The following RPL22L1 variants were observed in gnomAD, a reference collection of about 807,000 sequenced individuals.
The protein encoded by RPL22L1 is ribosomal protein L22 like 1.
Under a neutral mutation model 17.3 loss-of-function variants are expected in RPL22L1, and 19 were observed. The ratio of observed to expected loss-of-function variants is 1.10; its 90% CI spans 0.77 to 1.61. The LOEUF (loss-of-function observed/expected upper bound fraction) is 1.61. Among genes scored for constraint, RPL22L1 ranks in the 40% most tolerant of loss-of-function variants. The pLI is 0.00. For synonymous variants in RPL22L1, 48 were observed against 48.5 expected, an observed-to-expected ratio of 0.99 and a Z score of 0.05; for missense variants, 139 against 144.4, an observed-to-expected ratio of 0.96 and a Z score of 0.19.
At position 170,866,213 on chromosome 3, in the gene RPL22L1, G is replaced by C. The variant is rs372796243; in HGVS notation, c.*167C>G. The C allele has an allele frequency of 1.9e-6, 1 of 532,666 alleles. No homozygotes were observed. Among genetic ancestry groups the C allele is most frequent in the East Asian group, 3.0e-5 (1 of 32,880 alleles). 33.0% of individuals were successfully genotyped at this position (532,666 alleles called of 1,614,324 possible). On this transcript the variant is annotated 3_prime_UTR_variant, in exon 4 of 4. Coordinates refer to ENST00000295830, the MANE Select transcript of RPL22L1 (RefSeq NM_001099645.2). The stretch of plus-strand genomic sequence containing the variant: ...ATTTAAATACTGTTGATAGTTATCA[G>C]AGGGAAATCAAAATCATATAAACAG...
At chr3:170,867,771 C>A (rs2108280548) in intron 3 of RPL22L1, among the ~76,000 whole-genome samples, 2 of 152,264 alleles carry the variant, frequency 1.3e-5, no homozygotes, top group Middle Eastern at 3.4e-3. Context: ...TTTGGATTTA[C>A]AGGGCCTATA....
Position 170,870,148 on chromosome 3 carries a change from C to A in RPL22L1, c.9+11G>T, listed in dbSNP as rs1464381156. The A allele has an allele frequency of 6.2e-7, 1 of 1,613,900 alleles. No individual in the cohort carries two copies. The highest frequency in any genetic ancestry group is 8.5e-7 in the Non-Finnish European group (1 of 1,179,910). ...CCACACAACACTCCCACCAAGACAT[C>A]GCTCACTCACCGGCGCCATCTTGCG... On this transcript the variant is annotated intron_variant, in intron 1 of 3. Coordinates refer to ENST00000295830, the MANE Select transcript of RPL22L1 (RefSeq NM_001099645.2).
intron 1 of RPL22L1, among the ~76,000 whole-genome samples, chr3:170,868,860 G>A (rs1711877405): frequency 6.6e-6 from 1 of 150,842 alleles, no homozygotes; most frequent in Non-Finnish European, 1.5e-5. Context: ...AAAAAGGCAA[G>A]GTGCCGTCCC....
rs1325812218 is a variant in RPL22L1, at chr3:170,868,290, A to G, written c.102+8T>C. 3 of 1,570,654 alleles carry G rather than the reference A, an allele frequency of 1.9e-6. No homozygotes were observed. Among genetic ancestry groups the G allele is most frequent in the Admixed American group, 1.7e-5 (1 of 59,510 alleles). ...TTACAAAAATAAGCCGAGTAGAATGATACTTACAAAATTTCCAGAATCAAA... is the reference window on the plus strand; with the variant it reads ...TTACAAAAATAAGCCGAGTAGAATGGTACTTACAAAATTTCCAGAATCAAA... On this transcript the variant is annotated splice_region_variant and intron_variant, in intron 2 of 3. Coordinates refer to ENST00000295830, the MANE Select transcript of RPL22L1 (RefSeq NM_001099645.2).
At chr3:170,867,061 T>G (rs1328212601) in intron 3 of RPL22L1, among the ~76,000 whole-genome samples, 3 of 152,200 alleles carry the variant, frequency 2.0e-5, no homozygotes, top group Admixed American at 6.5e-5. Flanking sequence ...AGCTACTACA[T>G]TTTTATCTCT....
rs1404390664 is a variant in RPL22L1 at position 170,868,376 on chromosome 3, C to T, written c.24G>A (p.Lys8=). The T allele has an allele frequency of 1.9e-5, 31 of 1,601,094 alleles. No individual in the cohort carries two copies. Among genetic ancestry groups the T allele is most frequent in the Non-Finnish European group, 2.5e-5 (29 of 1,171,194 alleles). MAPQKDR[K]PKRSTWRFNL... is the part of the protein sequence containing the mutation. ...TAAACCTCCAGGTTGACCTCTTGGGCTTCCTGTCTTTCTGCTACATAAATG... is the reference window on the plus strand; with the variant it reads ...TAAACCTCCAGGTTGACCTCTTGGGTTTCCTGTCTTTCTGCTACATAAATG... Residue 8 remains lysine (K), a synonymous_variant, in exon 2 of 4, where the codon AAG becomes AAA. Coordinates refer to ENST00000295830, the MANE Select transcript of RPL22L1 (RefSeq NM_001099645.2).
At position 170,868,069 on chromosome 3, in the gene RPL22L1, G is replaced by A. The variant is rs1201134964; in HGVS notation, c.168C>T (p.His56=). Reference sequence around the variant, plus strand: ...TGATTTTATTCTTGAAGCGTTCAATGTGAACAACATTCCCGAGATTTCCAG... The same window carrying A: ...TGATTTTATTCTTGAAGCGTTCAATATGAACAACATTCCCGAGATTTCCAG... ...GKTGNLGNVV[H]IERFKNKITV... Residue 56 remains histidine, a synonymous_variant, in exon 3 of 4, where the codon CAC becomes CAT. Coordinates refer to ENST00000295830, the MANE Select transcript of RPL22L1 (RefSeq NM_001099645.2). The A allele has an allele frequency of 6.2e-7, 1 of 1,605,428 alleles. No individual in the cohort carries two copies. The highest frequency in any genetic ancestry group is 1.1e-5 in the South Asian group (1 of 89,940).
At position 170,868,071 on chromosome 3, in the gene RPL22L1, GAAC is replaced by G. The variant is rs993952668; in HGVS notation, c.163_165del (p.Val55del). On this transcript the variant is annotated inframe_deletion, in exon 3 of 4. Transcript: ENST00000295830. ...ATTTTATTCTTGAAGCGTTCAATGT[GAAC>G]AACATTCCCGAGATTTCCAGTTTTG... 7.5e-6 allele frequency: 12 copies of G among 1,605,492 alleles called. No homozygotes were observed. Among genetic ancestry groups the G allele is most frequent in the South Asian group, 4.4e-5 (4 of 89,954 alleles).
At chr3:170,866,614 A>G in intron 3 of RPL22L1, 90 bp from the exon 4 acceptor site, 2 of 925,178 alleles carry the variant, frequency 2.2e-6, no homozygotes, top group East Asian at 2.7e-5. Context: ...CATCATATTC[A>G]TCTTTTCTGT....
chr3:170,870,162 C>G lies in RPL22L1; in HGVS notation c.6G>C (p.Ala2=), dbSNP rs1277034216. 3 of 1,613,864 alleles carry G rather than the reference C, an allele frequency of 1.9e-6. No homozygotes were observed. The highest frequency in any genetic ancestry group is 3.3e-5 in the Admixed American group (2 of 60,004). M[A]PQKDRKPKRS... is the part of the protein sequence containing the mutation. The stretch of plus-strand genomic sequence containing the variant: ...CACCAAGACATCGCTCACTCACCGG[C>G]GCCATCTTGCGAGTCGGCCGCGAGA... Residue 2 remains alanine, a synonymous_variant, in exon 1 of 4, where the codon GCG becomes GCC. Transcript: ENST00000295830.
rs1405206169 is a variant in RPL22L1, at chr3:170,865,720, A to G, written c.*660T>C. 2.0e-5 allele frequency: 3 copies of G among 152,248 alleles called. No homozygotes were observed. The highest frequency in any genetic ancestry group is 1.9e-4 in the East Asian group (1 of 5,202). 9.4% of individuals were successfully genotyped at this position (152,248 alleles called of 1,614,324 possible). ...CACACCCAGAGTCTTTGGGCTAACTATAAGAGCAAACTACAGAGCAACTTA... is the reference window on the plus strand; with the variant it reads ...CACACCCAGAGTCTTTGGGCTAACTGTAAGAGCAAACTACAGAGCAACTTA... On this transcript the variant is annotated 3_prime_UTR_variant, in exon 4 of 4. Transcript: ENST00000295830.
Position 170,869,338 on chromosome 3 carries a change from T to C in RPL22L1, c.9+821A>G, listed in dbSNP as rs1024391073. The stretch of plus-strand genomic sequence containing the variant: ...TACCAAGTATTACACATTAGTTTGC[T>C]TTCTCAGGTAGCATGGTAACATGTG... On this transcript the variant is annotated intron_variant, in intron 1 of 3. Coordinates refer to ENST00000295830, the MANE Select transcript of RPL22L1 (RefSeq NM_001099645.2). Among the ~76,000 whole-genome samples, 8 of 152,306 alleles carry C rather than the reference T, an allele frequency of 5.3e-5. No individual in the cohort carries two copies. In the East Asian group the frequency reaches 7.7e-4, roughly 15 times the overall value.
intron 1 of RPL22L1, 96 bp downstream of exon 1, chr3:170,870,063 T>G: frequency 6.4e-7 from 1 of 1,571,904 alleles, no homozygotes; most frequent in Non-Finnish European, 8.7e-7. Flanking sequence ...CCCTTTATCT[T>G]GACTGAGACG....
intron 3 of RPL22L1, among the ~76,000 whole-genome samples, chr3:170,867,038 TTACAGCTAC>T (rs553584154): frequency 7.7e-4 from 117 of 152,310 alleles, no homozygotes; most frequent in Middle Eastern, 3.4e-3. Flanking sequence ...GATACTTGAT[TTACAGCTAC>T]TACAGCTACT....
At chr3:170,866,687 G>C (rs1711782706) in intron 3 of RPL22L1, among the ~76,000 whole-genome samples, 163 bp from the exon 4 acceptor site, 1 of 152,056 alleles carries the variant, frequency 6.6e-6, no homozygotes, top group Non-Finnish European at 1.5e-5. Flanking sequence ...AAGACTGTTA[G>C]GGTAGCATCC....
At chr3:170,870,114 A>C in intron 1 of RPL22L1, 45 bp downstream of exon 1, 1 of 1,613,782 alleles carries the variant, frequency 6.2e-7, no homozygotes, top group Non-Finnish European at 8.5e-7. Flanking sequence ...AGCGGAAATC[A>C]TTAAATTGCC....
chr3:170,867,890 T>G (rs1050657713), intron 3 of RPL22L1, 123 bp downstream of exon 3: 4 of 786,774 alleles, frequency 5.1e-6, no homozygotes, highest in Non-Finnish European at 7.9e-6. Context: ...CCCATTTATG[T>G]AGGCCTTTAG....
chr3:170,870,091 C>CA (rs1711938451), intron 1 of RPL22L1, 68 bp downstream of exon 1: 1 of 1,611,876 alleles, frequency 6.2e-7, no homozygotes, highest in East Asian at 2.2e-5. Flanking sequence ...TCGACAGATG[C>CA]AAAAATCGTT....
At chr3:170,867,635 C>CT (rs1711818985) in intron 3 of RPL22L1, among the ~76,000 whole-genome samples, 1 of 152,150 alleles carries the variant, frequency 6.6e-6, no homozygotes, top group Non-Finnish European at 1.5e-5. Flanking sequence ...GATGTTAAGA[C>CT]TTTGACTTTA....
Sources: allele counts gnomAD v4.1 joint callset (sites outside exome capture counted in the v4.1 genomes callset), GRCh38; gene constraint gnomAD v4.1.1; transcripts MANE v1.5; gene names NCBI Gene and HGNC (gene_info 2026-07-23, HGNC 2026-07-21).